RASAL2: variants seen among roughly 807,000 people sequenced by gnomAD.
The protein encoded by RASAL2 is ras GTPase-activating protein nGAP.
Under a neutral mutation model 128.9 loss-of-function variants are expected in RASAL2, and 58 were observed. That is an observed-to-expected ratio of 0.45 (90% CI 0.36 to 0.56). RASAL2 has a LOEUF of 0.56. Ranked by LOEUF, RASAL2 falls within the 20% of genes least tolerant of loss-of-function variation. The probability of loss-of-function intolerance (pLI) is 0.00; values close to 1 mark genes in which losing one functional copy is unlikely to be tolerated. For synonymous variants in RASAL2, 561 were observed against 580.8 expected (o/e 0.97, Z 0.49); for missense variants, 1,360 against 1,601.6 (o/e 0.85, Z 2.57).
intron 4 of RASAL2, among the ~76,000 whole-genome samples, chr1:178,407,054 G>T (rs1674046360): frequency 6.6e-6 from 1 of 152,122 alleles, no homozygotes; most frequent in South Asian, 2.1e-4. Flanking sequence ...TCAGATCTGT[G>T]CTAGAAGAAC....
At chr1:178,191,293 T>G (rs367847942) in intron 1 of RASAL2, among the ~76,000 whole-genome samples, 4 of 152,150 alleles carry the variant, frequency 2.6e-5, no homozygotes, top group African/African-American at 9.6e-5. Flanking sequence ...TTTAAAAAAT[T>G]TCAGTATGTT....
chr1:178,160,491 G>T (rs1041246477), intron 1 of RASAL2, among the ~76,000 whole-genome samples: 1 of 152,008 alleles, frequency 6.6e-6, no homozygotes, highest in Non-Finnish European at 1.5e-5. Context: ...AAAAATTAGC[G>T]GGACGTGGTG....
chr1:178,279,308 A>G (rs1417826001), intron 1 of RASAL2, among the ~76,000 whole-genome samples: 4 of 152,122 alleles, frequency 2.6e-5, no homozygotes, highest in South Asian at 2.1e-4. Context: ...TCCACCACAA[A>G]CAACTAGAAA....
At chr1:178,285,213 C>G (rs555152072) in intron 2 of RASAL2, among the ~76,000 whole-genome samples, 2 of 149,084 alleles carry the variant, frequency 1.3e-5, no homozygotes, top group African/African-American at 2.5e-5. Context: ...CTCCGCTTCC[C>G]GGGTTCACGC....
intron 1 of RASAL2, among the ~76,000 whole-genome samples, chr1:178,242,336 T>C (rs1203195336): frequency 2.0e-5 from 3 of 152,182 alleles, no homozygotes; most frequent in Non-Finnish European, 4.4e-5. Context: ...TATTTTAGCA[T>C]ATCTTTTAAC....
chr1:178,469,772 T>C (rs567439853), intron 17 of RASAL2, among the ~76,000 whole-genome samples: 1 of 152,268 alleles, frequency 6.6e-6, no homozygotes, highest in Non-Finnish European at 1.5e-5. Context: ...AGGACCACAC[T>C]CTCAACTAAT....
chr1:178,408,656 T>C (rs1254967143), intron 4 of RASAL2, among the ~76,000 whole-genome samples: 1 of 151,978 alleles, frequency 6.6e-6, no homozygotes, highest in African/African-American at 2.4e-5. Flanking sequence ...CCTCATATTT[T>C]GAATTGTCAT....
intron 1 of RASAL2, among the ~76,000 whole-genome samples, chr1:178,249,985 G>T (rs1485272053): frequency 6.6e-6 from 1 of 152,134 alleles, no homozygotes; most frequent in Non-Finnish European, 1.5e-5. Context: ...TCTGTATGAA[G>T]GGTCTGTCAA....
intron 1 of RASAL2, among the ~76,000 whole-genome samples, chr1:178,250,287 A>G (rs1481508182): frequency 2.0e-5 from 3 of 152,108 alleles, no homozygotes; most frequent in Non-Finnish European, 4.4e-5. Flanking sequence ...AGTGAAGAGG[A>G]ATCTAGAGAG....
intron 1 of RASAL2, among the ~76,000 whole-genome samples, chr1:178,232,428 C>A (rs960417664): frequency 6.6e-6 from 1 of 152,174 alleles, no homozygotes; most frequent in Non-Finnish European, 1.5e-5. Context: ...AGCAAACTTT[C>A]TTCTTCCAGA....
At chr1:178,094,795 C>A in intron 1 of RASAL2, 101 bp downstream of exon 1, 2 of 1,396,400 alleles carry the variant, frequency 1.4e-6, no homozygotes, top group Non-Finnish European at 2.0e-6. Flanking sequence ...CTCATCCGTG[C>A]TAGGTCAGTT....
intron 1 of RASAL2, among the ~76,000 whole-genome samples, chr1:178,246,639 T>A (rs1295749341): frequency 6.6e-6 from 1 of 152,148 alleles, no homozygotes; most frequent in Non-Finnish European, 1.5e-5. Context: ...ATCCTTGTCT[T>A]GTGCTTGTTT....
chr1:178,305,618 G>A (rs1031081492), intron 3 of RASAL2, among the ~76,000 whole-genome samples: 1 of 152,146 alleles, frequency 6.6e-6, no homozygotes, highest in African/African-American at 2.4e-5. Flanking sequence ...GGAAGACTGG[G>A]AGAAACTAGT....
At chr1:178,128,892 AT>A (rs1469539603) in intron 1 of RASAL2, among the ~76,000 whole-genome samples, 1 of 152,060 alleles carries the variant, frequency 6.6e-6, no homozygotes, top group Non-Finnish European at 1.5e-5. Flanking sequence ...ATAAGATTCT[AT>A]TGTATAGATA....
chr1:178,431,765 A>G (rs759880596), intron 5 of RASAL2, among the ~76,000 whole-genome samples: 21 of 151,898 alleles, frequency 1.4e-4, no homozygotes, highest in Non-Finnish European at 2.5e-4. Flanking sequence ...AGGTTCCAAT[A>G]TGGATAGAAG....
chr1:178,446,520 A>G (rs1308211414), intron 9 of RASAL2, among the ~76,000 whole-genome samples: 1 of 152,224 alleles, frequency 6.6e-6, no homozygotes. Flanking sequence ...TAGAAGAATA[A>G]AAGTTATTAA....
rs769985952 is a variant in RASAL2 at position 178,209,699 on chromosome 1, CATATG to C, written c.203-73861_203-73857del. The stretch of plus-strand genomic sequence containing the variant: ...CTTTTCTCTCTTTTTCTCTCTCTCT[CATATG>C]ATAACATCCATTTTTCCATTCTCTC... On this transcript the variant is annotated intron_variant, in intron 1 of 17. Transcript: ENST00000367649. 5.9e-5 allele frequency among the ~76,000 whole-genome samples: 9 copies of C among 151,914 alleles called. No homozygotes were observed. The East Asian group carries it at 1.4e-3, about 23-fold the overall frequency.
intron 4 of RASAL2, among the ~76,000 whole-genome samples, chr1:178,415,980 T>C (rs1472631284): frequency 6.6e-6 from 1 of 150,746 alleles, no homozygotes; most frequent in Non-Finnish European, 1.5e-5. Flanking sequence ...GTAGATGATA[T>C]ATAGTTGGGT....
At chr1:178,247,103 C>G (rs1045651089) in intron 1 of RASAL2, among the ~76,000 whole-genome samples, 2 of 152,180 alleles carry the variant, frequency 1.3e-5, no homozygotes, top group Non-Finnish European at 2.9e-5. Context: ...GGAGAAGTCC[C>G]TCTTTTTCTG....
Sources: gnomAD v4.1 joint callset for allele counts (sites outside exome capture counted in the v4.1 genomes callset) on GRCh38, gnomAD v4.1.1 for gene constraint, MANE v1.5 for transcripts, NCBI Gene and HGNC (gene_info 2026-07-23, HGNC 2026-07-21) for gene names.